The following PLPPR5 variants were observed in gnomAD, a reference collection of about 807,000 sequenced individuals.
PLPPR5 encodes phospholipid phosphatase-related protein type 5.
Under a neutral mutation model 33.9 loss-of-function variants are expected in PLPPR5, and 16 were observed. The observed-to-expected ratio is 0.47, with a 90% CI of 0.32 to 0.72. The LOEUF (loss-of-function observed/expected upper bound fraction) is 0.72, where lower values mean the gene tolerates loss of function less well. PLPPR5 is among the 30% of genes least tolerant of loss of function. PLPPR5 has a pLI of 0.03. For missense variants in PLPPR5, 301 were observed against 406.7 expected (o/e 0.74, Z 2.23); for synonymous variants, 163 against 150.3 (o/e 1.08, Z -0.62).
chr1:98,974,136 G>C (rs1651762531), intron 1 of PLPPR5, among the ~76,000 whole-genome samples: 1 of 151,902 alleles, frequency 6.6e-6, no homozygotes, highest in Non-Finnish European at 1.5e-5. Context: ...TTGGGGAGTG[G>C]GCAATAAAGA....
At chr1:98,991,447 C>T (rs1393101463) in intron 1 of PLPPR5, among the ~76,000 whole-genome samples, 4 of 152,108 alleles carry the variant, frequency 2.6e-5, no homozygotes, top group Non-Finnish European at 4.4e-5. Context: ...CTTTCTACTC[C>T]ATTTGCAAGG....
chr1:98,974,986 CT>C (rs1331551989), intron 1 of PLPPR5, among the ~76,000 whole-genome samples: 1 of 151,996 alleles, frequency 6.6e-6, no homozygotes, highest in African/African-American at 2.4e-5. Context: ...AACAGGTTTT[CT>C]TAACACCCAT....
chr1:98,893,276 TTACA>T (rs1648350408), intron 5 of PLPPR5, among the ~76,000 whole-genome samples, 172 bp from the exon 6 acceptor site: 1 of 152,100 alleles, frequency 6.6e-6, no homozygotes, highest in Non-Finnish European at 1.5e-5. Context: ...TTGCTGCTAA[TTACA>T]TATTTTATTC....
chr1:98,941,130 G>A (rs1214553821), intron 3 of PLPPR5, among the ~76,000 whole-genome samples: 1 of 151,808 alleles, frequency 6.6e-6, no homozygotes, highest in African/African-American at 2.4e-5. Context: ...CTGTTGGAAG[G>A]GATAACAGAG....
rs757628900 is a variant in PLPPR5, at chr1:98,921,978, T to C, written c.702A>G (p.Ala234=). ...PVLCLGLMCL[A]FLTGLNRVAE... is the part of the protein sequence containing the mutation. ...CTACTCTGTTGAGTCCAGTAAGAAA[T>C]GCCAAACACATTAAGCCCAAGCATA... is the stretch of plus-strand genomic sequence containing the variant. Residue 234 remains alanine (A), a synonymous_variant, in exon 4 of 6, where the codon GCA becomes GCG. Transcript: ENST00000263177. The C allele has an allele frequency of 1.2e-6, 2 of 1,613,656 alleles. No homozygotes were observed. The highest frequency in any genetic ancestry group is 8.5e-7 in the Non-Finnish European group (1 of 1,179,960).
intron 5 of PLPPR5, among the ~76,000 whole-genome samples, chr1:98,912,408 C>A (rs1570691220): frequency 6.6e-6 from 1 of 152,182 alleles, no homozygotes; most frequent in East Asian, 1.9e-4. Context: ...GCTCCGTAAG[C>A]TCATCCAGGG....
chr1:99,001,900 A>G (rs2100770343), intron 1 of PLPPR5, among the ~76,000 whole-genome samples: 1 of 151,926 alleles, frequency 6.6e-6, no homozygotes, highest in South Asian at 2.1e-4. Context: ...TAATCTTTCT[A>G]AGCCATCATG....
chr1:98,940,589 T>C (rs767351263), intron 3 of PLPPR5, among the ~76,000 whole-genome samples: 28 of 151,826 alleles, frequency 1.8e-4, no homozygotes, highest in Non-Finnish European at 2.9e-4. Context: ...AGAGCTTTTA[T>C]GCAAAGGGAT....
intron 1 of PLPPR5, among the ~76,000 whole-genome samples, chr1:98,958,328 C>T (rs1187750877): frequency 6.6e-6 from 1 of 152,108 alleles, no homozygotes; most frequent in Non-Finnish European, 1.5e-5. Context: ...TACTTTTACC[C>T]CAGTGTGAAT....
intron 1 of PLPPR5, among the ~76,000 whole-genome samples, chr1:98,973,240 G>A (rs533003379): frequency 4.6e-5 from 7 of 152,102 alleles, no homozygotes; most frequent in African/African-American, 1.7e-4. Flanking sequence ...AAGTACCATA[G>A]AAGATAAAAT....
intron 5 of PLPPR5, among the ~76,000 whole-genome samples, chr1:98,908,261 C>T (rs543061477): frequency 1.3e-5 from 2 of 152,216 alleles, no homozygotes; most frequent in East Asian, 1.9e-4. Flanking sequence ...ATGGAATTGT[C>T]CTTTGTGGGA....
chr1:98,982,266 T>C (rs1001709206), intron 1 of PLPPR5, among the ~76,000 whole-genome samples: 1 of 152,048 alleles, frequency 6.6e-6, no homozygotes, highest in African/African-American at 2.4e-5. Context: ...ATTTATAGGA[T>C]GCCAATGGTT....
intron 3 of PLPPR5, among the ~76,000 whole-genome samples, chr1:98,939,291 G>GGCCTC (rs1650290978): frequency 6.7e-6 from 1 of 148,252 alleles, no homozygotes; most frequent in Admixed American, 6.7e-5. Flanking sequence ...TTTCCATATA[G>GGCCTC]AGGAAGGGAT....
At chr1:98,937,609 C>T (rs1358017913) in intron 3 of PLPPR5, among the ~76,000 whole-genome samples, 1 of 152,180 alleles carries the variant, frequency 6.6e-6, no homozygotes, top group East Asian at 1.9e-4. Flanking sequence ...CTTCTCCTAG[C>T]CCAGGTGCAG....
intron 1 of PLPPR5, among the ~76,000 whole-genome samples, chr1:98,963,331 G>A (rs1651314588): frequency 6.6e-6 from 1 of 152,164 alleles, no homozygotes; most frequent in Non-Finnish European, 1.5e-5. Context: ...TTGCATATGC[G>A]TTTATAAGTA....
At chr1:98,905,853 T>C (rs765140647) in intron 5 of PLPPR5, among the ~76,000 whole-genome samples, 3 of 152,146 alleles carry the variant, frequency 2.0e-5, no homozygotes, top group African/African-American at 7.2e-5. Context: ...TAGCTGATAT[T>C]TTATGGTTAT....
intron 4 of PLPPR5, among the ~76,000 whole-genome samples, chr1:98,919,158 G>A (rs938917018): frequency 2.3e-4 from 35 of 152,310 alleles, no homozygotes; most frequent in Middle Eastern, 6.8e-3. Context: ...GTTCAGAGAA[G>A]GCCTCACTAT....
chr1:98,972,809 T>C (rs1348596357), intron 1 of PLPPR5, among the ~76,000 whole-genome samples: 1 of 152,060 alleles, frequency 6.6e-6, no homozygotes, highest in East Asian at 1.9e-4. Context: ...GGGGCTAGTG[T>C]AGGCCTGGGC....
At chr1:98,974,687 T>C (rs1651782889) in intron 1 of PLPPR5, among the ~76,000 whole-genome samples, 1 of 152,084 alleles carries the variant, frequency 6.6e-6, no homozygotes, top group East Asian at 1.9e-4. Flanking sequence ...AGAGCTATAA[T>C]CCAAGCTGTG....
Sources: gnomAD v4.1 joint callset for allele counts (sites outside exome capture counted in the v4.1 genomes callset) on GRCh38, gnomAD v4.1.1 for gene constraint, MANE v1.5 for transcripts, NCBI Gene and HGNC (gene_info 2026-07-23, HGNC 2026-07-21) for gene names.